Variants in IMMP2L observed in about 807,000 individuals in gnomAD.
The protein encoded by IMMP2L is mitochondrial inner membrane protease subunit 2.
A neutral mutation model predicts 19.3 loss-of-function variants in IMMP2L; 18 were observed. That is an observed-to-expected ratio of 0.93 (90% CI 0.64 to 1.38). IMMP2L has a LOEUF of 1.38. Among genes scored for constraint, IMMP2L ranks in the 40% most tolerant of loss-of-function variants. The pLI is 0.00. For missense variants in IMMP2L, 233 were observed against 218.2 expected, an observed-to-expected ratio of 1.07 and a Z score of -0.43; for synonymous variants, 76 against 73.0, an observed-to-expected ratio of 1.04 and a Z score of -0.21.
intron 4 of IMMP2L, among the ~76,000 whole-genome samples, chr7:110,935,861 A>G (rs1361270704): frequency 2.0e-5 from 3 of 152,134 alleles, no homozygotes; most frequent in African/African-American, 7.2e-5. Flanking sequence ...ATATAGACCA[A>G]TGGAACAGAA....
At chr7:110,874,590 C>A (rs927443542) in intron 5 of IMMP2L, among the ~76,000 whole-genome samples, 2 of 151,822 alleles carry the variant, frequency 1.3e-5, no homozygotes, top group Non-Finnish European at 2.9e-5. Flanking sequence ...GTTCTTCCAT[C>A]TAAAAAAATA....
At chr7:111,217,557 A>C (rs930375030) in intron 3 of IMMP2L, among the ~76,000 whole-genome samples, 2 of 152,164 alleles carry the variant, frequency 1.3e-5, no homozygotes, top group African/African-American at 4.8e-5. Flanking sequence ...CTGTAAGCAA[A>C]GGAATAAAGG....
At chr7:110,697,003 G>A (rs1019437767) in intron 5 of IMMP2L, among the ~76,000 whole-genome samples, 1 of 152,024 alleles carries the variant, frequency 6.6e-6, no homozygotes, top group Admixed American at 6.5e-5. Flanking sequence ...TATGAGGGTC[G>A]AAATTCGATT....
chr7:111,376,767 A>C (rs1830712795), intron 3 of IMMP2L, among the ~76,000 whole-genome samples: 1 of 152,104 alleles, frequency 6.6e-6, no homozygotes, highest in South Asian at 2.1e-4. Context: ...CCTTGAAGAC[A>C]TCATGCTAAG....
At chr7:111,489,448 C>T (rs1156829752) in intron 2 of IMMP2L, among the ~76,000 whole-genome samples, 1 of 152,090 alleles carries the variant, frequency 6.6e-6, no homozygotes, top group Non-Finnish European at 1.5e-5. Flanking sequence ...AGGAAAGGTG[C>T]CAAGCTTCCT....
intron 3 of IMMP2L, among the ~76,000 whole-genome samples, chr7:111,004,619 A>G (rs2129561883): frequency 6.6e-6 from 1 of 152,224 alleles, no homozygotes; most frequent in African/African-American, 2.4e-5. Flanking sequence ...CCTAGAATTA[A>G]AGCAATATCA....
intron 3 of IMMP2L, among the ~76,000 whole-genome samples, chr7:111,467,959 AATAT>A (rs1401158151): frequency 1.3e-5 from 2 of 152,182 alleles, no homozygotes; most frequent in Non-Finnish European, 2.9e-5. Flanking sequence ...TAAGAAGAAA[AATAT>A]GTTGCACTTT....
intron 5 of IMMP2L, among the ~76,000 whole-genome samples, chr7:110,733,566 C>T (rs1796419629): frequency 6.6e-6 from 1 of 151,736 alleles, no homozygotes; most frequent in South Asian, 2.1e-4. Context: ...AAGCCAATTC[C>T]CAATCTCTGC....
intron 3 of IMMP2L, among the ~76,000 whole-genome samples, chr7:111,481,492 C>A (rs564804977): frequency 1.3e-5 from 2 of 152,194 alleles, no homozygotes; most frequent in South Asian, 4.1e-4. Flanking sequence ...ACAATACCTA[C>A]TTTACTGGTT....
chr7:111,500,594 C>A (rs1054844728), intron 2 of IMMP2L, among the ~76,000 whole-genome samples: 1 of 152,152 alleles, frequency 6.6e-6, no homozygotes, highest in Non-Finnish European at 1.5e-5. Flanking sequence ...GCCGGGTACT[C>A]CTCTGAGACA....
At chr7:110,849,780 C>A (rs937761880) in intron 5 of IMMP2L, among the ~76,000 whole-genome samples, 2 of 151,916 alleles carry the variant, frequency 1.3e-5, no homozygotes, top group Admixed American at 6.6e-5. Context: ...TACTTTTAAC[C>A]CACTAATTCT....
rs568146158 is a variant in IMMP2L, at chr7:111,219,253, A to C, written c.240-255688T>G. On this transcript the variant is annotated intron_variant, in intron 3 of 5. Transcript: ENST00000405709. The stretch of plus-strand genomic sequence containing the variant: ...TTTTTGAAATCTAGAATAATGACCC[A>C]AATACAGTAAAGTCATAACTTTTTT... Among the ~76,000 whole-genome samples, 8 of 152,158 alleles carry C rather than the reference A, an allele frequency of 5.3e-5. No homozygotes were observed. In the East Asian group the frequency reaches 7.7e-4, roughly 15 times the overall value.
intron 5 of IMMP2L, among the ~76,000 whole-genome samples, chr7:110,733,371 C>A (rs948290986): frequency 6.6e-6 from 1 of 151,866 alleles, no homozygotes; most frequent in Non-Finnish European, 1.5e-5. Flanking sequence ...GGAACCTCTG[C>A]GAGTCTGTAC....
At chr7:111,491,947 T>TA (rs1484455437) in intron 2 of IMMP2L, among the ~76,000 whole-genome samples, 1 of 152,008 alleles carries the variant, frequency 6.6e-6, no homozygotes, top group Non-Finnish European at 1.5e-5. Flanking sequence ...GTGATTTAAT[T>TA]ATTTCTGACT....
chr7:111,031,378 A>AGG lies in IMMP2L; in HGVS notation c.240-67815_240-67814dup, dbSNP rs756347676. Among the ~76,000 whole-genome samples, 45 of 25,340 alleles carry AGG rather than the reference A, an allele frequency of 1.8e-3. 1 individual carries two copies. The highest frequency in any genetic ancestry group is 2.9e-3 in the Admixed American group (5 of 1,724). The allele number at this position is 25,340 out of a possible 152,430, so 16.6% of individuals were successfully genotyped here. A position where few individuals can be genotyped will look rare whatever the true frequency, so the allele number is the denominator to read the frequency against. ...TGTAGTGCTAGAAAATAAGGGGTGT[A>AGG]GGGGTGTGTGTGTGTGTGTGTGTGT... On this transcript the variant is annotated intron_variant, in intron 3 of 5. Transcript: ENST00000405709.
chr7:110,917,663 T>C (rs1335109952), intron 4 of IMMP2L, among the ~76,000 whole-genome samples: 1 of 152,168 alleles, frequency 6.6e-6, no homozygotes, highest in African/African-American at 2.4e-5. Context: ...TAAAAGTCCC[T>C]GGAACGAAGG....
intron 3 of IMMP2L, among the ~76,000 whole-genome samples, chr7:111,378,395 T>C (rs1388673184): frequency 6.6e-6 from 1 of 151,980 alleles, no homozygotes; most frequent in Non-Finnish European, 1.5e-5. Flanking sequence ...TTGATAAAAC[T>C]TCCAGCAAAT....
chr7:110,728,902 C>G lies in IMMP2L; in HGVS notation c.409-65181G>C, dbSNP rs983390573. ...AAGTGGGATAAACAGTTGTATTAGT[C>G]TGTTTTGTTTTGTTTTGTTTTGTTT... is the stretch of plus-strand genomic sequence containing the variant. On this transcript the variant is annotated intron_variant, in intron 5 of 5. Transcript: ENST00000405709. The surrounding 1 kb of genome is among the most constrained non-coding windows in gnomAD (Gnocchi z 4.6). Among the ~76,000 whole-genome samples, 4 of 151,944 alleles carry G rather than the reference C, an allele frequency of 2.6e-5. No homozygotes were observed. Among genetic ancestry groups the G allele is most frequent in the African/African-American group, 4.8e-5 (2 of 41,376 alleles).
chr7:111,013,452 G>C (rs1424970927), intron 3 of IMMP2L, among the ~76,000 whole-genome samples: 1 of 152,112 alleles, frequency 6.6e-6, no homozygotes, highest in East Asian at 1.9e-4. Context: ...AAGACTGAAA[G>C]AATTGGGTGA....
Sources: allele counts gnomAD v4.1 joint callset (sites outside exome capture counted in the v4.1 genomes callset), GRCh38; gene constraint gnomAD v4.1.1; non-coding constraint Gnocchi (gnomAD v3.1); transcripts MANE v1.5; gene names NCBI Gene and HGNC (gene_info 2026-07-23, HGNC 2026-07-21).